The following CABP1 variants were observed in gnomAD, a reference collection of about 807,000 sequenced individuals.
CABP1 encodes the protein calcium binding protein 1.
A neutral mutation model predicts 34.3 loss-of-function variants in CABP1; 17 were observed. That is an observed-to-expected ratio of 0.50 (90% CI 0.34 to 0.74). The LOEUF (loss-of-function observed/expected upper bound fraction) is 0.74. Among genes scored for constraint, CABP1 ranks in the 30% least tolerant of loss-of-function variants. The pLI is 0.01. For synonymous variants in CABP1, 198 were observed against 229.2 expected, an observed-to-expected ratio of 0.86 and a Z score of 1.23; for missense variants, 373 against 511.1, an observed-to-expected ratio of 0.73 and a Z score of 2.61.
At chr12:120,655,511 A>C in intron 1 of CABP1, 2 of 1,126,142 alleles carry the variant, frequency 1.8e-6, no homozygotes, top group Non-Finnish European at 2.2e-6. Flanking sequence ...TATGTCAGCA[A>C]TGGCACCTGC....
Position 120,660,066 on chromosome 12 carries a change from G to T in CABP1, c.686-130G>T, listed in dbSNP as rs994809799. 8.8e-6 allele frequency: 12 copies of T among 1,363,834 alleles called. No individual in the cohort carries two copies. In the African/African-American group the frequency reaches 1.6e-4, roughly 18 times the overall value. 84.5% of individuals were successfully genotyped at this position (1,363,834 alleles called of 1,614,324 possible). On this transcript the variant is annotated intron_variant, in intron 2 of 5. Coordinates refer to ENST00000316803, the MANE Select transcript of CABP1 (RefSeq NM_001033677.2). This position sits in a 1 kb window ranked among gnomAD's most constrained non-coding sequence, Gnocchi z 5.0. The stretch of plus-strand genomic sequence containing the variant: ...CTGAAGGTGTGCACAGGAGGCAAGA[G>T]AAATGCCCCAGCATCCTGGGAAGCT...
At chr12:120,680,240 G>A in the CABP1 span, among the ~76,000 whole-genome samples, 2 of 152,150 alleles carry the variant, frequency 1.3e-5, no homozygotes, top group Non-Finnish European at 2.9e-5. Flanking sequence ...CTTCCACAGA[G>A]AAAAATAACT....
chr12:120,666,789 G>A, intron 5 of CABP1, 86 bp from the exon 6 acceptor site: 2 of 1,443,132 alleles, frequency 1.4e-6, no homozygotes, highest in Admixed American at 3.9e-5. Flanking sequence ...AGTTGGGGCA[G>A]TGGCAACAGG....
downstream of CABP1, among the ~76,000 whole-genome samples, chr12:120,668,005 C>T (rs1473187805): frequency 2.6e-5 from 4 of 152,164 alleles, no homozygotes; most frequent in East Asian, 7.7e-4. Context: ...GTTGGAGAGA[C>T]AGGCATGAGA....
chr12:120,669,999 T>C (rs12425951), downstream of CABP1, among the ~76,000 whole-genome samples: 7,463 of 152,216 alleles, frequency 0.049, 255 homozygotes, highest in Admixed American at 0.11. Flanking sequence ...AAACGTTTTT[T>C]TTTCTTTCTT....
chr12:120,657,094 G>A (rs771796657), intron 1 of CABP1, among the ~76,000 whole-genome samples: 4 of 152,146 alleles, frequency 2.6e-5, no homozygotes, highest in Non-Finnish European at 4.4e-5. Context: ...CGTGCTGTCC[G>A]ATACAGTAGC....
chr12:120,666,784 G>C (rs1236423485), intron 5 of CABP1, 91 bp from the exon 6 acceptor site: 22 of 1,375,474 alleles, frequency 1.6e-5, no homozygotes, highest in Non-Finnish European at 2.2e-5. Flanking sequence ...CACAGAGTTG[G>C]GGCAGTGGCA....
At chr12:120,679,665 T>C in the CABP1 span, among the ~76,000 whole-genome samples, 6 of 151,764 alleles carry the variant, frequency 4.0e-5, no homozygotes, top group African/African-American at 1.5e-4. Flanking sequence ...CCGTCTCTAC[T>C]AAAAATACAA....
downstream of CABP1, among the ~76,000 whole-genome samples, chr12:120,668,425 G>A (rs1398361166): frequency 6.6e-6 from 1 of 152,186 alleles, no homozygotes; most frequent in South Asian, 2.1e-4. Context: ...GCAGTGGGCC[G>A]AGATCATGCC....
rs914255284 is a variant in CABP1 at position 120,640,886 on chromosome 12, C to G, written c.201C>G (p.Ser67=). ...AMSSHIAKSE[S]KTSLLKAAAA... ...GCTCGCACATCGCCAAAAGCGAGTCCAAGACGTCGCTGCTGAAGGCGGCGG... is the reference window on the plus strand; with the variant it reads ...GCTCGCACATCGCCAAAAGCGAGTCGAAGACGTCGCTGCTGAAGGCGGCGG... Residue 67 remains serine, a synonymous_variant, in exon 1 of 6, where the codon TCC becomes TCG. Transcript: ENST00000316803. This position sits in a 1 kb window ranked among gnomAD's most constrained non-coding sequence, Gnocchi z 6.2. 5.5e-6 allele frequency: 6 copies of G among 1,090,566 alleles called. No homozygotes were observed. The African/African-American group carries it at 8.4e-5, about 15-fold the overall frequency. The allele number at this position is 1,090,566 out of a possible 1,614,324, so 67.6% of individuals were successfully genotyped here. A position where few individuals can be genotyped will look rare whatever the true frequency, so the allele number is the denominator to read the frequency against.
chr12:120,641,311 G>T lies in CABP1; in HGVS notation c.626G>T (p.Arg209Leu), dbSNP rs770588710. The stretch of plus-strand genomic sequence containing the variant: ...GCGGACCCGTTCCTCCACCGGCTGC[G>T]CCCCATGCTCAGCTCCGCCTTTGGC... ...SEADPFLHRL[R>L]PMLSSAFGQD... is the part of the protein sequence containing the mutation. The change falls in exon 1 of 6, where the codon CGC (arginine) becomes CTC (leucine). Residue 209 changes from arginine to leucine, a missense_variant. Coordinates refer to ENST00000316803, the MANE Select transcript of CABP1 (RefSeq NM_001033677.2). The surrounding 1 kb of genome is among the most constrained non-coding windows in gnomAD (Gnocchi z 6.7). 34 of 1,331,534 alleles carry T rather than the reference G, an allele frequency of 2.6e-5. No individual in the cohort carries two copies. The highest frequency in any genetic ancestry group is 5.8e-6 in the Non-Finnish European group (6 of 1,042,676). The allele number at this position is 1,331,534 out of a possible 1,614,324, so 82.5% of individuals were successfully genotyped here.
the CABP1 span, among the ~76,000 whole-genome samples, chr12:120,675,321 G>A: frequency 6.6e-6 from 1 of 152,202 alleles, no homozygotes; most frequent in African/African-American, 2.4e-5. Context: ...CCAAAGTGGT[G>A]GGATTACAGG....
At chr12:120,667,336 T>C (rs753486095), downstream of CABP1, 6 of 214,430 alleles carry the variant, frequency 2.8e-5, no homozygotes, top group Non-Finnish European at 4.6e-5. Context: ...ACAGCCGTGA[T>C]GGTCTTTCCT....
chr12:120,671,905 A>G (rs1190926522), downstream of CABP1, among the ~76,000 whole-genome samples: 1 of 152,126 alleles, frequency 6.6e-6, no homozygotes, highest in Non-Finnish European at 1.5e-5. Context: ...CATCTCCACA[A>G]AAAATTTTAA....
intron 1 of CABP1, chr12:120,659,078 G>A (rs959722088): frequency 1.3e-5 from 2 of 152,220 alleles, no homozygotes; most frequent in African/African-American, 4.8e-5. Context: ...TGATTGCCCA[G>A]GAGACCTGGG....
At chr12:120,670,116 C>T (rs1881200492), downstream of CABP1, among the ~76,000 whole-genome samples, 2 of 152,078 alleles carry the variant, frequency 1.3e-5, no homozygotes, top group Admixed American at 1.3e-4. Flanking sequence ...GATCCTCCTG[C>T]CTCAGCCTCC....
At chr12:120,654,383 C>T (rs936387245) in intron 1 of CABP1, among the ~76,000 whole-genome samples, 10 of 152,086 alleles carry the variant, frequency 6.6e-5, no homozygotes, top group Admixed American at 4.6e-4. Context: ...GGAGAGGACA[C>T]GGTGGGCAGG....
At chr12:120,658,432 C>T (rs1454122884) in intron 1 of CABP1, among the ~76,000 whole-genome samples, 1 of 152,062 alleles carries the variant, frequency 6.6e-6, no homozygotes, top group Non-Finnish European at 1.5e-5. Context: ...TCCATGCAGT[C>T]ATCTCAGAGA....
intron 5 of CABP1, among the ~76,000 whole-genome samples, chr12:120,664,874 CAAAAA>C (rs1461399236): frequency 8.8e-6 from 1 of 113,646 alleles, no homozygotes; most frequent in African/African-American, 3.6e-5. Context: ...GACTCTGTCT[CAAAAA>C]GAAAAAAAAA....
Sources: gnomAD v4.1 joint callset for allele counts (sites outside exome capture counted in the v4.1 genomes callset) on GRCh38, gnomAD v4.1.1 for gene constraint, Gnocchi (gnomAD v3.1) non-coding constraint, MANE v1.5 for transcripts, NCBI Gene and HGNC (gene_info 2026-07-23, HGNC 2026-07-21) for gene names.